Variants in AGBL1 observed in about 807,000 individuals in gnomAD.
AGBL1 encodes the protein AGBL carboxypeptidase 1.
Under a neutral mutation model 118.9 loss-of-function variants are expected in AGBL1, and 130 were observed. The observed-to-expected ratio is 1.09, with a 90% CI of 0.95 to 1.26. The LOEUF is 1.26. AGBL1 is among the 50% of genes most tolerant of loss of function. AGBL1 has a pLI of 0.00. For missense variants in AGBL1, 1,584 were observed against 1,298.1 expected (o/e 1.22, Z -3.38); for synonymous variants, 555 against 478.9 (o/e 1.16, Z -2.08).
chr15:86,185,256 A>G (rs1283677099), intron 5 of AGBL1, among the ~76,000 whole-genome samples: 1 of 152,200 alleles, frequency 6.6e-6, no homozygotes, highest in African/African-American at 2.4e-5. Context: ...TCAGGGAACA[A>G]CAGGTGCTGG....
intron 16 of AGBL1, among the ~76,000 whole-genome samples, chr15:86,282,284 G>A (rs532998549): frequency 6.6e-6 from 1 of 152,210 alleles, no homozygotes; most frequent in South Asian, 2.1e-4. Context: ...TCACTGAGAG[G>A]GAAAGAGAGG....
intron 18 of AGBL1, among the ~76,000 whole-genome samples, chr15:86,410,843 A>AT (rs1567242931): frequency 5.5e-5 from 4 of 72,768 alleles, no homozygotes; most frequent in African/African-American, 2.3e-4. Context: ...TATATATATA[A>AT]TATACTATTT....
chr15:86,397,401 C>T lies in AGBL1; in HGVS notation c.2410C>T (p.His804Tyr). 6.2e-7 allele frequency: 1 copy of T among 1,610,158 alleles called. No individual in the cohort carries two copies. The highest frequency in any genetic ancestry group is 8.5e-7 in the Non-Finnish European group (1 of 1,177,588). The change falls in exon 18 of 23, where the codon CAT becomes TAT. Residue 804 changes from histidine to tyrosine, a missense_variant. By Grantham distance (83) the His-to-Tyr change is moderately conservative. Transcript: ENST00000614907. ...RPYQVITARV[H>Y]PGESNASWVM... Reference sequence around the variant, plus strand: ...ATATCAGGTGATCACTGCTCGAGTTCATCCAGGAGAGAGCAATGCCAGTTG... The same window carrying T: ...ATATCAGGTGATCACTGCTCGAGTTTATCCAGGAGAGAGCAATGCCAGTTG...
chr15:86,792,898 T>C (rs552552421), intron 22 of AGBL1, among the ~76,000 whole-genome samples: 18 of 152,302 alleles, frequency 1.2e-4, no homozygotes, highest in Non-Finnish European at 2.4e-4. Flanking sequence ...AACAAAAATA[T>C]AGATATTTGT....
intron 19 of AGBL1, 90 bp from the exon 20 acceptor site, chr15:86,545,912 C>A: frequency 3.4e-6 from 5 of 1,449,890 alleles, no homozygotes; most frequent in Non-Finnish European, 4.7e-6. Flanking sequence ...TTTCTTTGAG[C>A]CATGGAACAT....
intron 21 of AGBL1, among the ~76,000 whole-genome samples, chr15:86,566,324 A>G (rs749786029): frequency 6.6e-6 from 1 of 152,236 alleles, no homozygotes; most frequent in Non-Finnish European, 1.5e-5. Context: ...CTCTGCTTTT[A>G]GAACCAATTA....
chr15:86,572,485 C>G (rs1014250824), intron 21 of AGBL1, among the ~76,000 whole-genome samples: 1 of 152,198 alleles, frequency 6.6e-6, no homozygotes, highest in Non-Finnish European at 1.5e-5. Flanking sequence ...GTGGCAGTTG[C>G]CGGGGTGGCA....
rs527931855 is a variant in AGBL1, at chr15:86,549,635, G to A, written c.2817+3502G>A. On this transcript the variant is annotated intron_variant, in intron 20 of 22. Coordinates refer to ENST00000614907, the MANE Select transcript of AGBL1 (RefSeq NM_001386094.1). ...GAAGAATCAAGAATGTGAAATCCAC[G>A]CTCAGGAAACAAAGCAGTCAGTAGA... Among the ~76,000 whole-genome samples, 52 of 152,040 alleles carry A rather than the reference G, an allele frequency of 3.4e-4. No individual in the cohort carries two copies. In the South Asian group the frequency reaches 8.9e-3, roughly 26 times the overall value.
At chr15:86,685,883 C>G (rs558623367) in intron 22 of AGBL1, among the ~76,000 whole-genome samples, 1 of 152,060 alleles carries the variant, frequency 6.6e-6, no homozygotes, top group East Asian at 1.9e-4. Flanking sequence ...AAAATGTGAT[C>G]TATATAAATC....
intron 1 of AGBL1, among the ~76,000 whole-genome samples, chr15:86,119,677 G>GTGTT (rs1897976370): frequency 6.6e-6 from 1 of 151,962 alleles, no homozygotes; most frequent in East Asian, 1.9e-4. Context: ...GTGTGTGTGT[G>GTGTT]TGTGTGTGTG....
At position 86,790,731 on chromosome 15, in the gene AGBL1, T is replaced by A. The variant is rs905793866; in HGVS notation, c.3158+116295T>A. Among the ~76,000 whole-genome samples the A allele has an allele frequency of 4.0e-4, 61 of 152,128 alleles. 1 individual carries two copies. The highest frequency in any genetic ancestry group is 5.4e-4 in the Non-Finnish European group (37 of 68,022). ...AGGACTGCTCCCTCTTCATCTTGTGTGCCTAAAAGTCCCTCCTGTCATAGA... is the reference window on the plus strand; with the variant it reads ...AGGACTGCTCCCTCTTCATCTTGTGAGCCTAAAAGTCCCTCCTGTCATAGA... On this transcript the variant is annotated intron_variant, in intron 22 of 22. Coordinates refer to ENST00000614907, the MANE Select transcript of AGBL1 (RefSeq NM_001386094.1).
At chr15:86,177,586 T>C (rs1376317452) in intron 5 of AGBL1, among the ~76,000 whole-genome samples, 6 of 152,212 alleles carry the variant, frequency 3.9e-5, no homozygotes, top group Non-Finnish European at 5.9e-5. Flanking sequence ...ATTCAAATGA[T>C]ATTGAGTATG....
chr15:86,299,164 T>C (rs2079705947), intron 17 of AGBL1, among the ~76,000 whole-genome samples: 1 of 152,162 alleles, frequency 6.6e-6, no homozygotes, highest in Non-Finnish European at 1.5e-5. Context: ...AAAGAAGACT[T>C]ACTACTTTAC....
chr15:86,431,907 C>G (rs1204214838), intron 18 of AGBL1, among the ~76,000 whole-genome samples: 1 of 152,126 alleles, frequency 6.6e-6, no homozygotes, highest in Non-Finnish European at 1.5e-5. Context: ...CTCCAGCAGA[C>G]CTGAACACCC....
At chr15:86,323,388 C>A (rs879829132) in intron 17 of AGBL1, among the ~76,000 whole-genome samples, 5 of 147,436 alleles carry the variant, frequency 3.4e-5, no homozygotes, top group Non-Finnish European at 5.9e-5. Context: ...CCAATTGAGG[C>A]AAAACATGTC....
At position 87,015,043 on chromosome 15, in the gene AGBL1, C is replaced by A. The variant is rs74025791; in HGVS notation, c.3324-13782C>A. 3.8e-3 allele frequency among the ~76,000 whole-genome samples: 574 copies of A among 152,204 alleles called. 2 individuals are homozygous for A. The highest frequency in any genetic ancestry group is 0.013 in the African/African-American group (541 of 41,540). The stretch of plus-strand genomic sequence containing the variant: ...CAATCAGCTTGGGGCCCTGATGGAA[C>A]AAACAGGTGGAAAAGCATCAATTCT... On this transcript the variant is annotated intron_variant, in intron 24 of 24. Coordinates refer to the AGBL1 transcript ENST00000441037.
At chr15:86,266,669 G>A (rs1005135099) in intron 12 of AGBL1, among the ~76,000 whole-genome samples, 1 of 152,292 alleles carries the variant, frequency 6.6e-6, no homozygotes, top group African/African-American at 2.4e-5. Context: ...TTGGGAGCCC[G>A]AGGCAGGTGG....
At chr15:86,917,169 A>G (rs1374204045), downstream of AGBL1, among the ~76,000 whole-genome samples, 3 of 152,092 alleles carry the variant, frequency 2.0e-5, no homozygotes, top group African/African-American at 4.8e-5. The surrounding 1 kb of genome is among the most constrained non-coding windows in gnomAD (Gnocchi z 4.8). Context: ...GATAGAGAAG[A>G]TGGGGGAGAG....
intron 1 of AGBL1, among the ~76,000 whole-genome samples, chr15:86,141,347 G>T (rs2076960412): frequency 6.6e-6 from 1 of 152,174 alleles, no homozygotes; most frequent in African/African-American, 2.4e-5. Flanking sequence ...TCTGTTTCTT[G>T]CCTCTGTGCT....
Sources: gnomAD v4.1 joint callset for allele counts (sites outside exome capture counted in the v4.1 genomes callset) on GRCh38, gnomAD v4.1.1 for gene constraint, Gnocchi (gnomAD v3.1) non-coding constraint, MANE v1.5 for transcripts, NCBI Gene and HGNC (gene_info 2026-07-23, HGNC 2026-07-21) for gene names.